The following GLS variants were observed in gnomAD, a reference collection of about 807,000 sequenced individuals.
GLS encodes glutaminase.
Under a neutral mutation model 86.7 loss-of-function variants are expected in GLS, and 36 were observed. The observed-to-expected ratio is 0.42, with a 90% CI of 0.32 to 0.55. The LOEUF (loss-of-function observed/expected upper bound fraction) is 0.55, where lower values mean the gene tolerates loss of function less well. Among genes scored for constraint, GLS ranks in the 20% least tolerant of loss-of-function variants. GLS has a pLI of 0.17. For synonymous variants in GLS, 317 were observed against 305.9 expected, an observed-to-expected ratio of 1.04 and a Z score of -0.38; for missense variants, 528 against 833.4, an observed-to-expected ratio of 0.63 and a Z score of 4.51.
chr2:190,933,425 C>T, intron 14 of GLS: 1 of 864,996 alleles, frequency 1.2e-6, no homozygotes, highest in Non-Finnish European at 1.4e-6. Context: ...GATAGATTGG[C>T]TTTACATTTT....
rs11386437 is a variant in GLS at position 190,961,689 on chromosome 2, G to GTTTTTTT, written c.1854-1131_1854-1125dup. Among the ~76,000 whole-genome samples the GTTTTTTT allele has an allele frequency of 2.3e-3, 318 of 135,868 alleles. 6 individuals are homozygous for GTTTTTTT. The highest frequency in any genetic ancestry group is 7.8e-3 in the African/African-American group (283 of 36,418). The allele number at this position is 135,868 out of a possible 152,430, so 89.1% of individuals were successfully genotyped here. On this transcript the variant is annotated intron_variant, in intron 17 of 17. Transcript: ENST00000320717. ...CTATTCAAAGTCACTTAATTCAGCT[G>GTTTTTTT]TTTTTTTTTTTTTTTTGATAAATAC...
intron 17 of GLS, among the ~76,000 whole-genome samples, chr2:190,960,288 G>C (rs1690967517): frequency 6.6e-6 from 1 of 151,944 alleles, no homozygotes; most frequent in Admixed American, 6.6e-5. Context: ...TTTGAGAACT[G>C]GGAGCTGTAT....
chr2:190,895,430 A>G lies in GLS; in HGVS notation c.484-174A>G, dbSNP rs1378024887. 3.5e-6 allele frequency: 2 copies of G among 563,832 alleles called. No individual in the cohort carries two copies. The highest frequency in any genetic ancestry group is 6.2e-6 in the Non-Finnish European group (2 of 323,786). 34.9% of individuals were successfully genotyped at this position (563,832 alleles called of 1,614,324 possible). ...CAAGGTAATCAGTGAAAGAAAAAGA[A>G]AGAAACAATGAGAAACTTGTCCAGA... On this transcript the variant is annotated intron_variant, in intron 2 of 17. Coordinates refer to ENST00000320717, the MANE Select transcript of GLS (RefSeq NM_014905.5). The surrounding 1 kb of genome is among the most constrained non-coding windows in gnomAD (Gnocchi z 4.2).
chr2:190,934,083 C>A (rs1690194706), intron 14 of GLS: 1 of 975,520 alleles, frequency 1.0e-6, no homozygotes, highest in South Asian at 4.7e-5. Context: ...CTTCCATATA[C>A]TTCTCTGGTT....
At chr2:190,892,931 T>A (rs1688611472) in intron 1 of GLS, among the ~76,000 whole-genome samples, 1 of 152,194 alleles carries the variant, frequency 6.6e-6, no homozygotes, top group African/African-American at 2.4e-5. Context: ...TTTTTTTCAC[T>A]ATGTGCCATA....
intron 7 of GLS, 135 bp downstream of exon 7, chr2:190,910,456 T>TATAA: frequency 1.8e-6 from 1 of 567,858 alleles, no homozygotes; most frequent in Middle Eastern, 3.2e-4. Context: ...TGTCTTATGG[T>TATAA]ATAGTGTTAG....
intron 1 of GLS, among the ~76,000 whole-genome samples, chr2:190,890,950 A>G (rs1688541910): frequency 6.6e-6 from 1 of 152,162 alleles, no homozygotes; most frequent in Non-Finnish European, 1.5e-5. Context: ...GTTAGGTAAT[A>G]TGAAATGTTA....
chr2:190,900,548 T>A lies in GLS; in HGVS notation c.606-16T>A, dbSNP rs1688904971. ...AAATGTACCCAGTTTATTAATTATCTTTTTACATTCTACAGATGTGTTCAG... is the reference window on the plus strand; with the variant it reads ...AAATGTACCCAGTTTATTAATTATCATTTTACATTCTACAGATGTGTTCAG... On this transcript the variant is annotated splice_polypyrimidine_tract_variant and intron_variant, in intron 3 of 17. Transcript: ENST00000320717. 4 of 1,508,260 alleles carry A rather than the reference T, an allele frequency of 2.7e-6. No individual in the cohort carries two copies. The East Asian group carries it at 9.2e-5, about 35-fold the overall frequency. 93.4% of individuals were successfully genotyped at this position (1,508,260 alleles called of 1,614,324 possible).
intron 4 of GLS, among the ~76,000 whole-genome samples, chr2:190,901,640 TA>T (rs879271802): frequency 8.6e-4 from 122 of 141,092 alleles, no homozygotes; most frequent in South Asian, 1.6e-3. Context: ...TTTTCCTGCT[TA>T]AAAAAAAAAA....
intron 17 of GLS, among the ~76,000 whole-genome samples, chr2:190,960,042 G>A (rs149942044): frequency 2.1e-3 from 324 of 152,070 alleles, no homozygotes; most frequent in African/African-American, 7.1e-3. Context: ...CTCTCTCCTG[G>A]TCGACATAGC....
intron 11 of GLS, among the ~76,000 whole-genome samples, chr2:190,925,365 G>A (rs932595040): frequency 2.0e-5 from 3 of 152,072 alleles, no homozygotes; most frequent in African/African-American, 7.2e-5. Flanking sequence ...TCATATGTCG[G>A]GCTTTCTTGT....
intron 14 of GLS, among the ~76,000 whole-genome samples, chr2:190,942,338 C>G (rs552093668): frequency 2.0e-5 from 3 of 151,918 alleles, no homozygotes; most frequent in Non-Finnish European, 2.9e-5. Flanking sequence ...CCTCGGTCTC[C>G]CAAAATGCTG....
In GLS at chr2:190,913,268, A is replaced by G; in HGVS notation, c.1038+2947A>G. 4.6e-6 allele frequency: 6 copies of G among 1,301,002 alleles called. No homozygotes were observed. The highest frequency in any genetic ancestry group is 6.1e-6 in the Non-Finnish European group (6 of 987,812). 80.6% of individuals were successfully genotyped at this position (1,301,002 alleles called of 1,614,324 possible). On this transcript the variant is annotated intron_variant, in intron 7 of 17. Transcript: ENST00000320717. The surrounding 1 kb of genome is among the most constrained non-coding windows in gnomAD (Gnocchi z 6.1). ...AAAGGATTAGCAGATTGTGGAAAAAAGGAGAATTTGGACAGAAGGAGCCTG... is the reference window on the plus strand; with the variant it reads ...AAAGGATTAGCAGATTGTGGAAAAAGGGAGAATTTGGACAGAAGGAGCCTG...
chr2:190,886,846 G>A (rs1023521873), intron 1 of GLS, among the ~76,000 whole-genome samples: 7 of 151,742 alleles, frequency 4.6e-5, no homozygotes, highest in Non-Finnish European at 8.8e-5. Context: ...AACCCAGGAG[G>A]TGGAGGTTGC....
chr2:190,881,285 C>G lies in GLS; in HGVS notation c.201C>G (p.Pro67=), dbSNP rs947686435. Residue 67 remains proline, a synonymous_variant, in exon 1 of 18, where the codon CCC becomes CCG. Transcript: ENST00000320717. ...WWGGGGWPAE[P]LARGLSSSPS... is the part of the protein sequence containing the mutation. Reference sequence around the variant, plus strand: ...GCGGGGGCGGCTGGCCGGCGGAGCCCCTCGCGCGGGGCCTGTCCAGCTCTC... The same window carrying G: ...GCGGGGGCGGCTGGCCGGCGGAGCCGCTCGCGCGGGGCCTGTCCAGCTCTC... 3.0e-6 allele frequency: 4 copies of G among 1,342,120 alleles called. No homozygotes were observed. In the African/African-American group the frequency reaches 6.1e-5, roughly 20 times the overall value. The allele number at this position is 1,342,120 out of a possible 1,614,324, so 83.1% of individuals were successfully genotyped here. A position where few individuals can be genotyped will look rare whatever the true frequency, so the allele number is the denominator to read the frequency against.
intron 1 of GLS, among the ~76,000 whole-genome samples, chr2:190,883,183 A>G (rs1688264048): frequency 5.9e-5 from 9 of 152,154 alleles, no homozygotes; most frequent in Admixed American, 5.9e-4. Context: ...CCTTTTTAAT[A>G]AAAAATCACC....
At chr2:190,908,341 C>G (rs1054204296) in intron 6 of GLS, among the ~76,000 whole-genome samples, 4 of 152,046 alleles carry the variant, frequency 2.6e-5, no homozygotes, top group African/African-American at 7.3e-5. Context: ...TGAACAAAAC[C>G]CTTGTAAGGT....
rs535181181 is a variant in GLS at position 190,954,306 on chromosome 2, A to G, written c.1713-278A>G. Among the ~76,000 whole-genome samples, 1 of 152,228 alleles carries G rather than the reference A, an allele frequency of 6.6e-6. No individual in the cohort carries two copies. The highest frequency in any genetic ancestry group is 2.4e-5 in the African/African-American group (1 of 41,544). ...AACCTTGGTACACAGTTGTGCCATA[A>G]TTCTTAAGTTGCGAACAATAATGTA... On this transcript the variant is annotated intron_variant, in intron 15 of 17. Coordinates refer to ENST00000320717, the MANE Select transcript of GLS (RefSeq NM_014905.5). This position sits in a 1 kb window ranked among gnomAD's most constrained non-coding sequence, Gnocchi z 4.0.
At chr2:190,915,526 C>T (rs1276335229) in intron 7 of GLS, among the ~76,000 whole-genome samples, 1 of 152,102 alleles carries the variant, frequency 6.6e-6, no homozygotes, top group African/African-American at 2.4e-5. Context: ...GATCTTCAAA[C>T]TGGGATAAAT....
Sources: allele counts gnomAD v4.1 joint callset (sites outside exome capture counted in the v4.1 genomes callset), GRCh38; gene constraint gnomAD v4.1.1; non-coding constraint Gnocchi (gnomAD v3.1); transcripts MANE v1.5; gene names NCBI Gene and HGNC (gene_info 2026-07-23, HGNC 2026-07-21).